The following BTN3A1 variants were observed in gnomAD, a reference collection of about 807,000 sequenced individuals.
BTN3A1 encodes butyrophilin subfamily 3 member A1.
A neutral mutation model predicts 43.0 loss-of-function variants in BTN3A1; 24 were observed. The ratio of observed to expected loss-of-function variants is 0.56; its 90% CI spans 0.40 to 0.78. BTN3A1 has a LOEUF of 0.78. BTN3A1 is among the 30% of genes least tolerant of loss of function. The pLI is 0.00. For synonymous variants in BTN3A1, 181 were observed against 234.7 expected, an observed-to-expected ratio of 0.77 and a Z score of 2.09; for missense variants, 533 against 626.2, an observed-to-expected ratio of 0.85 and a Z score of 1.59.
intron 7 of BTN3A1, among the ~76,000 whole-genome samples, chr6:26,410,756 CATATATATGTGCATATATATGTAT>C (rs1169401945): frequency 9.4e-5 from 14 of 149,616 alleles, no homozygotes; most frequent in Non-Finnish European, 1.9e-4. Context: ...CATATATACA[CATATATATGTGCATATATATGTAT>C]ATATATATGT....
chr6:26,409,485 G>A, intron 4 of BTN3A1, 48 bp from the exon 5 acceptor site: 3 of 1,579,746 alleles, frequency 1.9e-6, no homozygotes, highest in Non-Finnish European at 2.6e-6. Context: ...GCAGTCTGGG[G>A]AGGCTGAGTG....
At chr6:26,407,203 C>G (rs1762049092) in intron 3 of BTN3A1, among the ~76,000 whole-genome samples, 1 of 152,176 alleles carries the variant, frequency 6.6e-6, no homozygotes, top group Admixed American at 6.5e-5. Flanking sequence ...AGGGACTGCT[C>G]TTTTCTTTCT....
chr6:26,405,376 T>A lies in BTN3A1; in HGVS notation c.-188T>A, dbSNP rs956185479. 3 of 611,788 alleles carry A rather than the reference T, an allele frequency of 4.9e-6. No individual in the cohort carries two copies. The East Asian group carries it at 8.2e-5, about 17-fold the overall frequency. 37.9% of individuals were successfully genotyped at this position (611,788 alleles called of 1,614,324 possible). On this transcript the variant is annotated 5_prime_UTR_variant, in exon 2 of 10. Transcript: ENST00000289361. Reference sequence around the variant, plus strand: ...CACATAGACATGTTTTTACAGGTGATTTTCAATGTTGGGACTCAAAGGTGA... The same window carrying A: ...CACATAGACATGTTTTTACAGGTGAATTTCAATGTTGGGACTCAAAGGTGA...
Position 26,407,920 on chromosome 6 carries a change from G to A in BTN3A1, c.683G>A (p.Gly228Asp). Residue 228 changes from glycine to aspartate, a missense_variant, in exon 4 of 10, where the codon GGC becomes GAC. Gly to Asp is a moderately conservative substitution (Grantham distance 94). Around this residue, in one of 4 missense-constraint regions of BTN3A1, gnomAD observed 415 missense variants for 427.0 expected, o/e 0.97. Coordinates refer to ENST00000289361, the MANE Select transcript of BTN3A1 (RefSeq NM_007048.6). ...VSCTIRSSLL[G>D]LEKTASISIA... Reference sequence around the variant, plus strand: ...TGTACCATCAGAAGTTCCCTCCTCGGCCTGGAAAAGACAGCCAGCATTTCC... The same window carrying A: ...TGTACCATCAGAAGTTCCCTCCTCGACCTGGAAAAGACAGCCAGCATTTCC... 1.2e-6 allele frequency: 2 copies of A among 1,614,190 alleles called. No homozygotes were observed. The highest frequency in any genetic ancestry group is 1.7e-6 in the Non-Finnish European group (2 of 1,180,030).
intron 6 of BTN3A1, 25 bp downstream of exon 6, chr6:26,409,939 C>T (rs1246625655): frequency 1.2e-6 from 2 of 1,614,164 alleles, no homozygotes; most frequent in African/African-American, 2.7e-5. Flanking sequence ...CCCCAGAGAC[C>T]CAGGCATGTC....
At chr6:26,412,969 CT>C in intron 9 of BTN3A1, 199 bp from the exon 10 acceptor site, 6 of 1,458,032 alleles carry the variant, frequency 4.1e-6, no homozygotes, top group Non-Finnish European at 5.4e-6. Context: ...TTTCACCCTC[CT>C]CTTCCCCTCT....
chr6:26,410,070 T>C (rs1478404421), intron 7 of BTN3A1, 38 bp downstream of exon 7: 3 of 1,611,348 alleles, frequency 1.9e-6, no homozygotes, highest in Non-Finnish European at 2.5e-6. Flanking sequence ...TTTGAATCTA[T>C]AACTGTCTGT....
At chr6:26,412,305 A>G in intron 9 of BTN3A1, 1 of 609,096 alleles carries the variant, frequency 1.6e-6, no homozygotes. Context: ...CTCCCTGAGA[A>G]GAGTCTTCAG....
At position 26,412,550 on chromosome 6, in the gene BTN3A1, G is replaced by A. The variant is rs763327535; in HGVS notation, c.1019-619G>A. The A allele has an allele frequency of 1.1e-5, 17 of 1,548,602 alleles. No individual in the cohort carries two copies. In the African/African-American group the frequency reaches 2.2e-4, roughly 20 times the overall value. The stretch of plus-strand genomic sequence containing the variant: ...AGCTGAAGGGTGGAGAGTGAATCTA[G>A]GGCATATAAGGCACCACATAGAGCC... On this transcript the variant is annotated intron_variant, in intron 9 of 9. Coordinates refer to ENST00000289361, the MANE Select transcript of BTN3A1 (RefSeq NM_007048.6).
chr6:26,415,181 T>A lies in BTN3A1; in HGVS notation c.*1489T>A, dbSNP rs34273322. 0.077 allele frequency: 11,683 copies of A among 152,266 alleles called. 559 individuals carry two copies. The highest frequency in any genetic ancestry group is 0.11 in the Non-Finnish European group (7,458 of 68,008). The allele number at this position is 152,266 out of a possible 1,614,324, so 9.4% of individuals were successfully genotyped here. ...TGGCATGTGCTTGTCAAGTTCTAGTTGTTCAATAAATTTGTTAATAATGCT... is the reference window on the plus strand; with the variant it reads ...TGGCATGTGCTTGTCAAGTTCTAGTAGTTCAATAAATTTGTTAATAATGCT... On this transcript the variant is annotated 3_prime_UTR_variant, in exon 10 of 10. Transcript: ENST00000289361.
At chr6:26,402,503 G>C (rs1185439521) in intron 1 of BTN3A1, 91 bp downstream of exon 1, 1 of 152,414 alleles carries the variant, frequency 6.6e-6, no homozygotes, top group Non-Finnish European at 1.5e-5. Context: ...CATGCAGGGA[G>C]AGTACTCACC....
rs753101869 is a variant in BTN3A1, at chr6:26,409,574, G to A, written c.757G>A (p.Ala253Thr). Residue 253 changes from alanine (A) to threonine (T), a missense_variant, in exon 5 of 10, where the codon GCA (alanine) becomes ACA (threonine). This residue lies in a region of BTN3A1 where 415 missense variants were observed against 427.0 expected (regional missense o/e 0.97). Transcript: ENST00000289361. Reference protein sequence around the residue: ...RSAQRWIAALAGTLPVLLLLL... With the variant: ...RSAQRWIAALTGTLPVLLLLL... ...CGCCCAGAGGTGGATCGCCGCCCTG[G>A]CAGGGACCCTGCCTGTCTTGCTGCT... 1 of 1,613,972 alleles carries A rather than the reference G, an allele frequency of 6.2e-7. No homozygotes were observed. The highest frequency in any genetic ancestry group is 8.5e-7 in the Non-Finnish European group (1 of 1,179,980).
Position 26,413,521 on chromosome 6 carries a change from T to C in BTN3A1, c.1371T>C (p.Pro457=). Residue 457 remains proline (P), a synonymous_variant, in exon 10 of 10, where the codon CCT becomes CCC. Transcript: ENST00000289361. ...PRTNLKLPKP[P]KKVGVFLDYE... ...CCAACCTGAAACTTCCTAAGCCCCC[T>C]AAGAAAGTGGGGGTCTTCCTGGACT... The C allele has an allele frequency of 6.2e-7, 1 of 1,614,136 alleles. No homozygotes were observed. Among genetic ancestry groups the C allele is most frequent in the Non-Finnish European group, 8.5e-7 (1 of 1,180,028 alleles).
chr6:26,412,979 C>G, intron 9 of BTN3A1, 190 bp from the exon 10 acceptor site: 1 of 1,459,130 alleles, frequency 6.9e-7, no homozygotes, highest in Non-Finnish European at 9.0e-7. Context: ...CTCTTCCCCT[C>G]TGGACACAAG....
Position 26,412,690 on chromosome 6 carries a change from A to G in BTN3A1, c.1019-479A>G, listed in dbSNP as rs750858721. Reference sequence around the variant, plus strand: ...TACAGCGCTAGAGATTCATTTGTTTATCCCCATTTTTCAGGTGAGGAAATG... The same window carrying G: ...TACAGCGCTAGAGATTCATTTGTTTGTCCCCATTTTTCAGGTGAGGAAATG... On this transcript the variant is annotated intron_variant, in intron 9 of 9. Transcript: ENST00000289361. 1.9e-6 allele frequency: 3 copies of G among 1,551,300 alleles called. No homozygotes were observed. In the East Asian group the frequency reaches 7.3e-5, roughly 38 times the overall value.
chr6:26,410,093 T>G, intron 7 of BTN3A1, 61 bp downstream of exon 7: 1 of 1,600,766 alleles, frequency 6.2e-7, no homozygotes, highest in African/African-American at 1.3e-5. Flanking sequence ...TTGAATAGTT[T>G]CCACTCTTAA....
chr6:26,404,487 AG>A (rs1258113144), intron 1 of BTN3A1: 1 of 152,172 alleles, frequency 6.6e-6, no homozygotes, highest in Non-Finnish European at 1.5e-5. Flanking sequence ...TTGAATCTTT[AG>A]TATAGTTGTG....
rs971652897 is a variant in BTN3A1 at position 26,414,430 on chromosome 6, C to G, written c.*738C>G. 2.6e-5 allele frequency: 4 copies of G among 153,182 alleles called. No individual in the cohort carries two copies. The highest frequency in any genetic ancestry group is 5.8e-5 in the Non-Finnish European group (4 of 68,772). The allele number at this position is 153,182 out of a possible 1,614,324, so 9.5% of individuals were successfully genotyped here. A position where few individuals can be genotyped will look rare whatever the true frequency, so the allele number is the denominator to read the frequency against. ...GATTGTCAGAGCCTTAGACCCAGCA[C>G]GCCTTGGATTAGCTCTGCAGAGTGT... is the stretch of plus-strand genomic sequence containing the variant. On this transcript the variant is annotated 3_prime_UTR_variant, in exon 10 of 10. Coordinates refer to ENST00000289361, the MANE Select transcript of BTN3A1 (RefSeq NM_007048.6).
intron 2 of BTN3A1, 127 bp from the exon 3 acceptor site, chr6:26,405,782 G>A (rs1183558128): frequency 1.9e-6 from 3 of 1,584,452 alleles, no homozygotes; most frequent in Non-Finnish European, 2.6e-6. Flanking sequence ...GACAAATGGT[G>A]CTTCTGTTAA....
Sources: gnomAD v4.1 joint callset for allele counts (sites outside exome capture counted in the v4.1 genomes callset) on GRCh38, gnomAD v4.1.1 for gene constraint, gnomAD v4.1.1 regional missense constraint, MANE v1.5 for transcripts, NCBI Gene and HGNC (gene_info 2026-07-23, HGNC 2026-07-21) for gene names.